The following PIK3C2B variants were observed in gnomAD, a reference collection of about 807,000 sequenced individuals.
PIK3C2B encodes the protein phosphatidylinositol 4-phosphate 3-kinase C2 domain-containing subunit beta.
In PIK3C2B, 83 loss-of-function variants were observed where a neutral mutation model predicts 184.3. That is an observed-to-expected ratio of 0.45 (90% CI 0.38 to 0.54). PIK3C2B has a LOEUF of 0.54. Ranked by LOEUF, PIK3C2B falls within the 20% of genes least tolerant of loss-of-function variation. The pLI, the probability that PIK3C2B is intolerant of heterozygous loss-of-function variation, is 0.00. For missense variants in PIK3C2B, 1,736 were observed against 2,113.5 expected (o/e 0.82, Z 3.50); for synonymous variants, 779 against 837.6 (o/e 0.93, Z 1.21).
At chr1:204,466,976 TC>T (rs1208473768) in intron 2 of PIK3C2B, 2 of 517,836 alleles carry the variant, frequency 3.9e-6, no homozygotes, top group Admixed American at 2.0e-5. Flanking sequence ...GCCCAAGGGG[TC>T]CCCCCTCCCA....
chr1:204,462,422 C>G (rs61761701), intron 5 of PIK3C2B, among the ~76,000 whole-genome samples: 1 of 152,202 alleles, frequency 6.6e-6, no homozygotes, highest in African/African-American at 2.4e-5. Flanking sequence ...TACAGAGGGC[C>G]CTGAGCATCA....
chr1:204,485,164 C>T (rs2103536077), intron 1 of PIK3C2B, among the ~76,000 whole-genome samples: 1 of 152,122 alleles, frequency 6.6e-6, no homozygotes, highest in South Asian at 2.1e-4. Context: ...TCCTCCCACC[C>T]CGGTTTCACA....
intron 5 of PIK3C2B, among the ~76,000 whole-genome samples, chr1:204,461,701 G>A (rs1655349182): frequency 1.3e-5 from 2 of 152,158 alleles, no homozygotes; most frequent in African/African-American, 4.8e-5. Context: ...AGACTGAAGT[G>A]CAGCCAAAAC....
In PIK3C2B at chr1:204,424,489, A is replaced by T. The variant is rs1325897305; in HGVS notation, c.*363T>A. On this transcript the variant is annotated 3_prime_UTR_variant, in exon 33 of 33. Transcript: ENST00000684373. ...GGACAACATCACTATTTCATTTTTT[A>T]AAAATAAAAATTAAGATATCCACCC... The T allele has an allele frequency of 8.0e-6, 3 of 374,720 alleles. No homozygotes were observed. The highest frequency in any genetic ancestry group is 3.6e-5 in the Admixed American group (1 of 28,156). The allele number at this position is 374,720 out of a possible 1,614,324, so 23.2% of individuals were successfully genotyped here. A position where few individuals can be genotyped will look rare whatever the true frequency, so the allele number is the denominator to read the frequency against.
In PIK3C2B at chr1:204,469,783, T is replaced by C. The variant is rs760747356; in HGVS notation, c.20A>G (p.Asn7Ser). 46 of 1,613,504 alleles carry C rather than the reference T, an allele frequency of 2.9e-5. No individual in the cohort carries two copies. The East Asian group carries it at 2.9e-4, about 10-fold the overall frequency. Residue 7 changes from asparagine (N) to serine (S), a missense_variant, in exon 2 of 33, where the codon AAT (asparagine) becomes AGT (serine). Around this residue, in one of 8 missense-constraint regions of PIK3C2B, gnomAD observed 404 missense variants for 418.0 expected, o/e 0.97. Transcript: ENST00000684373. ...CTCCAGGGACTTCCAGTGTTCCCCA[T>C]TGCCCTGAGTCGAAGACATGGTGAG... MSSTQG[N>S]GEHWKSLESV...
At chr1:204,440,074 G>A (rs1572302891) in intron 22 of PIK3C2B, 118 bp downstream of exon 22, 1 of 1,068,366 alleles carries the variant, frequency 9.4e-7, no homozygotes, top group Non-Finnish European at 1.3e-6. Context: ...AGCTTCTCAT[G>A]AAATAATCTT....
At chr1:204,452,075 T>A (rs1374018452) in intron 12 of PIK3C2B, among the ~76,000 whole-genome samples, 1 of 152,098 alleles carries the variant, frequency 6.6e-6, no homozygotes, top group Admixed American at 6.5e-5. Flanking sequence ...AGAAGTCTCA[T>A]TCGGGGCTTC....
chr1:204,446,245 T>C, intron 15 of PIK3C2B, 101 bp from the exon 16 acceptor site: 1 of 674,356 alleles, frequency 1.5e-6, no homozygotes, highest in South Asian at 3.1e-5. Flanking sequence ...AAGGGAGTGC[T>C]GCACACACTG....
intron 27 of PIK3C2B, 88 bp downstream of exon 27, chr1:204,432,112 A>T: frequency 8.4e-7 from 1 of 1,185,548 alleles, no homozygotes; most frequent in Non-Finnish European, 1.2e-6. Flanking sequence ...TCCTGTGCCC[A>T]CTGTGCAAGT....
intron 2 of PIK3C2B, among the ~76,000 whole-genome samples, chr1:204,468,608 TC>T (rs1481357963): frequency 6.6e-6 from 1 of 152,186 alleles, no homozygotes; most frequent in Non-Finnish European, 1.5e-5. Context: ...GAACCAGGAT[TC>T]CCAAATGCCT....
intron 1 of PIK3C2B, among the ~76,000 whole-genome samples, chr1:204,479,374 G>C (rs1382324223): frequency 1.3e-5 from 2 of 152,138 alleles, no homozygotes; most frequent in East Asian, 3.9e-4. Flanking sequence ...GAAAGGTAGG[G>C]GGACAGGGAA....
rs61761693 is a variant in PIK3C2B, at chr1:204,465,428, C to T, written c.934-109G>A. 1,633 of 697,252 alleles carry T rather than the reference C, an allele frequency of 2.3e-3. 17 individuals are homozygous for T. The African/African-American group carries it at 0.025, about 11-fold the overall frequency. 43.2% of individuals were successfully genotyped at this position (697,252 alleles called of 1,614,324 possible). A position where few individuals can be genotyped will look rare whatever the true frequency, so the allele number is the denominator to read the frequency against. On this transcript the variant is annotated intron_variant, in intron 2 of 32. Coordinates refer to ENST00000684373, the MANE Select transcript of PIK3C2B (RefSeq NM_001377334.1). The stretch of plus-strand genomic sequence containing the variant: ...TCTAGATGAAAAGACTTTCTAGTCA[C>T]TCGACATCCAATGAAAGGGGCACAA...
At chr1:204,444,020 A>C (rs1653621237) in intron 18 of PIK3C2B, 48 bp downstream of exon 18, 1 of 1,274,040 alleles carries the variant, frequency 7.8e-7, no homozygotes, top group Admixed American at 1.7e-5. Context: ...AAATACTCCT[A>C]CGTGAAAGAC....
In PIK3C2B at chr1:204,444,117, G is replaced by C; in HGVS notation, c.2818C>G (p.Leu940Val). 1.9e-6 allele frequency: 3 copies of C among 1,614,006 alleles called. No individual in the cohort carries two copies. Among genetic ancestry groups the C allele is most frequent in the Non-Finnish European group, 2.5e-6 (3 of 1,179,824 alleles). The change falls in exon 18 of 33, where the codon CTC becomes GTC. Residue 940 changes from leucine (L) to valine (V), a missense_variant. This residue lies in a region of PIK3C2B where 289 missense variants were observed against 380.4 expected (regional missense o/e 0.76). Transcript: ENST00000684373. Reference protein sequence around the residue: ...CYLDSPLVRFLLKRAVSDLRV... With the variant: ...CYLDSPLVRFVLKRAVSDLRV... ...AAGTCAGACACAGCTCGTTTCAGGA[G>C]GAAGCGCACCAACGGGCTGTCCAGG...
Position 204,460,683 on chromosome 1 carries a change from A to T in PIK3C2B, c.1311-22T>A, listed in dbSNP as rs574986176. ...CTTGCTGGTAGGGTAGAGGGACAAG[A>T]CCATTAGCATCCTGGGGACTCAGTG... is the stretch of plus-strand genomic sequence containing the variant. On this transcript the variant is annotated intron_variant, in intron 5 of 32. Transcript: ENST00000684373. 1.7e-5 allele frequency: 25 copies of T among 1,450,352 alleles called. 1 individual carries two copies. The highest frequency in any genetic ancestry group is 2.3e-5 in the Non-Finnish European group (24 of 1,030,584). The allele number at this position is 1,450,352 out of a possible 1,614,324, so 89.8% of individuals were successfully genotyped here.
At chr1:204,464,328 A>T in intron 4 of PIK3C2B, 122 bp downstream of exon 4, 1 of 1,165,672 alleles carries the variant, frequency 8.6e-7, no homozygotes, top group Middle Eastern at 2.9e-4. Context: ...CCTCACCCCC[A>T]AAGGAGCATC....
At chr1:204,442,374 G>A in intron 20 of PIK3C2B, 152 bp downstream of exon 20, 2 of 596,578 alleles carry the variant, frequency 3.4e-6, no homozygotes, top group Non-Finnish European at 6.1e-6. Context: ...AGACCCCTGA[G>A]GAAAAGATGC....
intron 10 of PIK3C2B, 131 bp downstream of exon 10, chr1:204,456,906 A>ACACCCACC (rs772419960): frequency 7.9e-5 from 12 of 152,816 alleles, no homozygotes; most frequent in Non-Finnish European, 1.5e-4. Flanking sequence ...ACACACACAC[A>ACACCCACC]CCCACACACA....
At chr1:204,449,423 C>G in intron 13 of PIK3C2B, 127 bp from the exon 14 acceptor site, 1 of 712,490 alleles carries the variant, frequency 1.4e-6, no homozygotes. Context: ...CTCATTCTCA[C>G]CGTGGACCAT....
Sources: gnomAD v4.1 joint callset for allele counts (sites outside exome capture counted in the v4.1 genomes callset) on GRCh38, gnomAD v4.1.1 for gene constraint, gnomAD v4.1.1 regional missense constraint, MANE v1.5 for transcripts, NCBI Gene and HGNC (gene_info 2026-07-23, HGNC 2026-07-21) for gene names.